The following PSMC6 variants were observed in gnomAD, a reference collection of about 807,000 sequenced individuals.
PSMC6 encodes the protein proteasome 26S subunit, ATPase 6, also known as 26S proteasome regulatory subunit 10B.
Under a neutral mutation model 55.9 loss-of-function variants are expected in PSMC6, and 3 were observed. The observed-to-expected ratio is 0.05, with a 90% CI of 0.02 to 0.14. PSMC6 has a LOEUF of 0.14. Among genes scored for constraint, PSMC6 ranks in the 10% least tolerant of loss-of-function variants. PSMC6 has a pLI of 1.00. For missense variants in PSMC6, 210 were observed against 478.7 expected, an observed-to-expected ratio of 0.44 and a Z score of 5.24; for synonymous variants, 137 against 155.9, an observed-to-expected ratio of 0.88 and a Z score of 0.90.
Position 52,727,746 on chromosome 14 carries a change from A to C in PSMC6, c.*129A>C. 1 of 547,584 alleles carries C rather than the reference A, an allele frequency of 1.8e-6. No individual in the cohort carries two copies. Among genetic ancestry groups the C allele is most frequent in the Non-Finnish European group, 3.2e-6 (1 of 316,682 alleles). 33.9% of individuals were successfully genotyped at this position (547,584 alleles called of 1,614,324 possible). On this transcript the variant is annotated 3_prime_UTR_variant, in exon 14 of 14. Coordinates refer to ENST00000445930, the MANE Select transcript of PSMC6 (RefSeq NM_002806.5). ...TATGAATAAAAATATGAGTAACATC[A>C]TAAAAATTAGTAATTCAACTTTTAA...
At chr14:52,727,134 C>T (rs562519681) in intron 13 of PSMC6, among the ~76,000 whole-genome samples, 141 of 150,222 alleles carry the variant, frequency 9.4e-4, no homozygotes, top group Middle Eastern at 3.5e-3. Flanking sequence ...CATTCTCCTG[C>T]CTTAGCCTCC....
intron 12 of PSMC6, 162 bp from the exon 13 acceptor site, chr14:52,723,803 A>G: frequency 7.1e-7 from 1 of 1,404,916 alleles, no homozygotes; most frequent in Non-Finnish European, 9.3e-7. Flanking sequence ...TTTATTTAAC[A>G]GAAGTCTTAG....
chr14:52,719,163 G>C lies in PSMC6; in HGVS notation c.777+125G>C. The C allele has an allele frequency of 2.2e-6, 2 of 903,490 alleles. 1 individual carries two copies. The highest frequency in any genetic ancestry group is 3.5e-5 in the South Asian group (2 of 56,832). 56.0% of individuals were successfully genotyped at this position (903,490 alleles called of 1,614,324 possible). Reference sequence around the variant, plus strand: ...ATGAAATATGAAATTTGAAAATATTGTCAGGAACAAACATGTTTCTCTATC... The same window carrying C: ...ATGAAATATGAAATTTGAAAATATTCTCAGGAACAAACATGTTTCTCTATC... On this transcript the variant is annotated intron_variant, in intron 10 of 13. Transcript: ENST00000445930.
rs540853029 is a variant in PSMC6 at position 52,714,734 on chromosome 14, C to T, written c.529+766C>T. 4.6e-5 allele frequency among the ~76,000 whole-genome samples: 7 copies of T among 151,896 alleles called. 1 individual carries two copies. In the South Asian group the frequency reaches 1.5e-3, roughly 32 times the overall value. On this transcript the variant is annotated intron_variant, in intron 7 of 13. Transcript: ENST00000445930. ...TACAAAAATGAGCCAGGCGTGGTGG[C>T]GTGCACCTGTAATCCCAGCTACTCG...
chr14:52,708,925 A>C, intron 4 of PSMC6, 109 bp downstream of exon 4: 1 of 1,489,322 alleles, frequency 6.7e-7, no homozygotes, highest in Non-Finnish European at 9.1e-7. Context: ...CCCATAACTC[A>C]CAAGGATGAT....
At chr14:52,717,861 A>G (rs142536155) in intron 7 of PSMC6, among the ~76,000 whole-genome samples, 203 of 151,994 alleles carry the variant, frequency 1.3e-3, no homozygotes, top group Non-Finnish European at 2.6e-3. Flanking sequence ...CTGAAAAACA[A>G]ACAGACAAAC....
chr14:52,718,623 TA>T, intron 9 of PSMC6: 1 of 390,640 alleles, frequency 2.6e-6, no homozygotes, highest in South Asian at 2.8e-5. Context: ...CTGTCTCTAC[TA>T]AAAATACAAA....
intron 7 of PSMC6, among the ~76,000 whole-genome samples, chr14:52,716,405 A>C (rs942026638): frequency 2.6e-5 from 4 of 152,212 alleles, no homozygotes; most frequent in African/African-American, 9.6e-5. Context: ...TTATTTCACA[A>C]TAGCCAAGAT....
At chr14:52,718,020 G>A (rs2041848402) in intron 7 of PSMC6, 61 bp from the exon 8 acceptor site, 4 of 1,512,250 alleles carry the variant, frequency 2.6e-6, no homozygotes, top group Middle Eastern at 2.4e-4. Flanking sequence ...GTGATTGCCT[G>A]TCTCAAAACA....
chr14:52,718,373 G>C, intron 9 of PSMC6, 21 bp downstream of exon 9: 1 of 1,597,500 alleles, frequency 6.3e-7, no homozygotes, highest in Non-Finnish European at 8.5e-7. Context: ...CACCCTTGTT[G>C]AAAGTTTTAG....
At chr14:52,707,353 G>A (rs1430138847) in intron 1 of PSMC6, 49 bp downstream of exon 1, 14 of 1,608,452 alleles carry the variant, frequency 8.7e-6, no homozygotes, top group Admixed American at 1.7e-5. Context: ...ACTCGCTTCT[G>A]CCTCTGACAA....
chr14:52,720,990 A>G lies in PSMC6; in HGVS notation c.898+9A>G, dbSNP rs774375036. The G allele has an allele frequency of 2.5e-6, 4 of 1,612,194 alleles. No individual in the cohort carries two copies. The highest frequency in any genetic ancestry group is 2.5e-6 in the Non-Finnish European group (3 of 1,178,830). ...ATTAGATAGAAAAATACGTGAGTTA[A>G]GATTCTTTACCTACTGTCCATTTCC... On this transcript the variant is annotated intron_variant, in intron 11 of 13. Transcript: ENST00000445930.
chr14:52,716,041 C>T (rs78774730), intron 7 of PSMC6, among the ~76,000 whole-genome samples: 1 of 152,126 alleles, frequency 6.6e-6, no homozygotes, highest in East Asian at 1.9e-4. Context: ...CATAACTCAA[C>T]CAGTAGTTTC....
intron 5 of PSMC6, 33 bp from the exon 6 acceptor site, chr14:52,711,377 T>TAGAAAAGATATA: frequency 6.5e-7 from 1 of 1,542,070 alleles, no homozygotes; most frequent in Non-Finnish European, 8.9e-7. Context: ...AAATATATCT[T>TAGAAAAGATATA]TCAAAAGAAA....
At chr14:52,726,038 C>T (rs189682459) in intron 13 of PSMC6, among the ~76,000 whole-genome samples, 4 of 152,172 alleles carry the variant, frequency 2.6e-5, no homozygotes, top group Non-Finnish European at 4.4e-5. Flanking sequence ...TCCTTGAAAT[C>T]TTCTATATTA....
At chr14:52,712,970 G>A (rs538415344) in intron 6 of PSMC6, among the ~76,000 whole-genome samples, 2 of 152,084 alleles carry the variant, frequency 1.3e-5, no homozygotes, top group South Asian at 2.1e-4. Flanking sequence ...GGTGGCTCAC[G>A]CCTGTAATCC....
Position 52,708,401 on chromosome 14 carries a change from G to C in PSMC6, c.165+13G>C. ...GAGTGTTGGGCAGGTAGGTGATGGA[G>C]TTTGGGGAATAGGGGGTGATGGTAA... On this transcript the variant is annotated intron_variant, in intron 2 of 13. Coordinates refer to ENST00000445930, the MANE Select transcript of PSMC6 (RefSeq NM_002806.5). 2 of 1,612,904 alleles carry C rather than the reference G, an allele frequency of 1.2e-6. No individual in the cohort carries two copies. The highest frequency in any genetic ancestry group is 8.5e-7 in the Non-Finnish European group (1 of 1,178,886).
At chr14:52,707,509 CAG>C in intron 1 of PSMC6, 1 of 611,250 alleles carries the variant, frequency 1.6e-6, no homozygotes, top group Non-Finnish European at 2.8e-6. Flanking sequence ...GCCCGGGTGA[CAG>C]AACATCGGCG....
intron 7 of PSMC6, among the ~76,000 whole-genome samples, chr14:52,715,701 C>T (rs2041823332): frequency 6.7e-6 from 1 of 149,758 alleles, no homozygotes; most frequent in Non-Finnish European, 1.5e-5. Context: ...GCTGCAACTT[C>T]TGCCTCTTGG....
Sources: allele counts gnomAD v4.1 joint callset (sites outside exome capture counted in the v4.1 genomes callset), GRCh38; gene constraint gnomAD v4.1.1; transcripts MANE v1.5; gene names NCBI Gene and HGNC (gene_info 2026-07-23, HGNC 2026-07-21).